Variants in TMEM131L observed in about 807,000 individuals in gnomAD.
TMEM131L encodes the protein transmembrane protein 131-like.
A neutral mutation model predicts 192.2 loss-of-function variants in TMEM131L; 54 were observed. The observed-to-expected ratio is 0.28, with a 90% CI of 0.23 to 0.35. The LOEUF is 0.35. TMEM131L is among the 10% of genes least tolerant of loss of function. The pLI is 1.00. For synonymous variants in TMEM131L, 701 were observed against 704.9 expected, an observed-to-expected ratio of 0.99 and a Z score of 0.09; for missense variants, 1,888 against 1,972.9, an observed-to-expected ratio of 0.96 and a Z score of 0.82.
At chr4:153,531,663 C>T (rs906156508) in intron 3 of TMEM131L, among the ~76,000 whole-genome samples, 1 of 152,036 alleles carries the variant, frequency 6.6e-6, no homozygotes, top group African/African-American at 2.4e-5. Flanking sequence ...GTATAAAGTG[C>T]TGTTAGTATA....
chr4:153,617,141 G>C (rs552710963), intron 26 of TMEM131L, among the ~76,000 whole-genome samples: 1 of 152,164 alleles, frequency 6.6e-6, no homozygotes, highest in African/African-American at 2.4e-5. Context: ...TGCTGTTCTC[G>C]TGATAGTAAG....
chr4:153,606,839 C>T (rs1242682332), intron 25 of TMEM131L, among the ~76,000 whole-genome samples: 1 of 152,136 alleles, frequency 6.6e-6, no homozygotes, highest in Non-Finnish European at 1.5e-5. Context: ...TTTTGCTTTC[C>T]ACCATGTTCA....
chr4:153,539,896 A>C (rs577251574), intron 3 of TMEM131L, among the ~76,000 whole-genome samples: 1 of 152,012 alleles, frequency 6.6e-6, no homozygotes, highest in South Asian at 2.1e-4. Flanking sequence ...GGATCCCCTG[A>C]GGTTGAGAGT....
intron 3 of TMEM131L, among the ~76,000 whole-genome samples, chr4:153,511,309 G>C (rs1179846288): frequency 2.0e-5 from 3 of 152,196 alleles, no homozygotes; most frequent in African/African-American, 7.2e-5. Flanking sequence ...CCATCAAAAA[G>C]AATGAGATCA....
At chr4:153,511,832 G>A (rs1580108055) in intron 3 of TMEM131L, among the ~76,000 whole-genome samples, 1 of 152,008 alleles carries the variant, frequency 6.6e-6, no homozygotes, top group African/African-American at 2.4e-5. Flanking sequence ...TAAGATACTC[G>A]TTTCCAATAA....
chr4:153,557,549 A>G (rs566952164), intron 6 of TMEM131L, among the ~76,000 whole-genome samples: 1 of 152,308 alleles, frequency 6.6e-6, no homozygotes, highest in South Asian at 2.1e-4. Flanking sequence ...ATATCAAGGT[A>G]CCAGGAAGGG....
At chr4:153,623,291 T>C (rs1294610907) in intron 29 of TMEM131L, among the ~76,000 whole-genome samples, 1 of 152,198 alleles carries the variant, frequency 6.6e-6, no homozygotes, top group Non-Finnish European at 1.5e-5. Flanking sequence ...CATCATTGTT[T>C]GTTAGTGTCT....
chr4:153,603,698 AC>A, intron 24 of TMEM131L, 103 bp from the exon 25 acceptor site: 1 of 1,286,206 alleles, frequency 7.8e-7, no homozygotes, highest in Non-Finnish European at 1.1e-6. Flanking sequence ...GGTAAAACTT[AC>A]ACTCAGTACT....
rs146783878 is a variant in TMEM131L at position 153,592,501 on chromosome 4, G to A, written c.1839G>A (p.Pro613=). ...RMIKYFVVQN[P]SSWPVSLQLL... ...TCAAGTACTTTGTGGTGCAGAACCC[G>A]TCCTCTTGGCCGGTCTCCTTGCAGC... The change falls in exon 18 of 35, where the codon CCG becomes CCA. Residue 613 remains proline, a synonymous_variant. Transcript: ENST00000409959. 104 of 1,614,004 alleles carry A rather than the reference G, an allele frequency of 6.4e-5. 1 individual carries two copies. The African/African-American group carries it at 1.0e-3, about 16-fold the overall frequency.
intron 3 of TMEM131L, among the ~76,000 whole-genome samples, chr4:153,540,732 T>A (rs6810447): frequency 3.3e-5 from 5 of 152,088 alleles, no homozygotes; most frequent in African/African-American, 7.2e-5. Flanking sequence ...CTAGTGCACC[T>A]TTAGGAAACT....
At chr4:153,553,803 T>C (rs1737810398) in intron 4 of TMEM131L, among the ~76,000 whole-genome samples, 1 of 152,248 alleles carries the variant, frequency 6.6e-6, no homozygotes, top group Non-Finnish European at 1.5e-5. Context: ...TAATCATTCA[T>C]AGAGATTTTA....
chr4:153,530,758 T>C (rs1310233862), intron 3 of TMEM131L, among the ~76,000 whole-genome samples: 1 of 152,136 alleles, frequency 6.6e-6, no homozygotes, highest in East Asian at 1.9e-4. Context: ...TCTTAGGTCT[T>C]AGGATCGCAG....
Position 153,603,960 on chromosome 4 carries a change from T to C in TMEM131L, c.2948T>C (p.Val983Ala). Residue 983 changes from valine to alanine, a missense_variant, in exon 25 of 35, where the codon GTG becomes GCG. Physicochemically the swap from Val to Ala is moderately conservative, Grantham distance 64. Coordinates refer to ENST00000409959, the MANE Select transcript of TMEM131L (RefSeq NM_001131007.2). ...TCTCAGAAGAAGCACAAATGCTCAG[T>C]GTATTACAGTAAACACAAAACCAGC... ...GHSQKKHKCSVYYSKHKTSTA... is the reference protein window; with the variant it reads ...GHSQKKHKCSAYYSKHKTSTA... 1.2e-6 allele frequency: 2 copies of C among 1,614,022 alleles called. No individual in the cohort carries two copies. The highest frequency in any genetic ancestry group is 1.7e-6 in the Non-Finnish European group (2 of 1,179,966).
chr4:153,538,707 G>T (rs1166515461), intron 3 of TMEM131L, among the ~76,000 whole-genome samples: 1 of 152,196 alleles, frequency 6.6e-6, no homozygotes, highest in East Asian at 1.9e-4. Context: ...TCTGGTGTTG[G>T]AAAAGAATGG....
chr4:153,624,104 G>GTT (rs11407959), intron 29 of TMEM131L, among the ~76,000 whole-genome samples: 167 of 140,220 alleles, frequency 1.2e-3, no homozygotes, highest in South Asian at 7.1e-3. Context: ...TTTTCACTCA[G>GTT]TTTTTTTTTT....
chr4:153,630,558 C>T (rs1734139616), intron 31 of TMEM131L, among the ~76,000 whole-genome samples: 1 of 152,232 alleles, frequency 6.6e-6, no homozygotes, highest in African/African-American at 2.4e-5. Context: ...TCTGTAACAA[C>T]CACGGCCAGT....
chr4:153,628,242 C>G (rs1233736147), intron 31 of TMEM131L, among the ~76,000 whole-genome samples: 1 of 152,226 alleles, frequency 6.6e-6, no homozygotes, highest in African/African-American at 2.4e-5. Context: ...AGGCAGTTGC[C>G]TAGGTGCATG....
chr4:153,503,315 A>T lies in TMEM131L; in HGVS notation c.239+29427A>T, dbSNP rs116990508. 9.8e-5 allele frequency among the ~76,000 whole-genome samples: 15 copies of T among 152,348 alleles called. No individual in the cohort carries two copies. In the East Asian group the frequency reaches 2.9e-3, roughly 29 times the overall value. ...TTCCTCCTTTCTCTGGGAGCATAAC[A>T]TCACTTGTAAAATTGTACAAAGATA... On this transcript the variant is annotated intron_variant, in intron 3 of 34. Coordinates refer to ENST00000409959, the MANE Select transcript of TMEM131L (RefSeq NM_001131007.2).
At position 153,555,747 on chromosome 4, in the gene TMEM131L, C is replaced by T; in HGVS notation, c.309-40C>T. 5.9e-6 allele frequency: 9 copies of T among 1,526,836 alleles called. No homozygotes were observed. The highest frequency in any genetic ancestry group is 8.0e-6 in the Non-Finnish European group (9 of 1,126,584). 94.6% of individuals were successfully genotyped at this position (1,526,836 alleles called of 1,614,324 possible). On this transcript the variant is annotated intron_variant, in intron 4 of 34. Transcript: ENST00000409959. This position sits in a 1 kb window ranked among gnomAD's most constrained non-coding sequence, Gnocchi z 4.1. ...ATATATGTATGGTAATATTTATAACCACACAATACATTGATTTTTCTCTTT... is the reference window on the plus strand; with the variant it reads ...ATATATGTATGGTAATATTTATAACTACACAATACATTGATTTTTCTCTTT...
Sources: gnomAD v4.1 joint callset for allele counts (sites outside exome capture counted in the v4.1 genomes callset) on GRCh38, gnomAD v4.1.1 for gene constraint, Gnocchi (gnomAD v3.1) non-coding constraint, MANE v1.5 for transcripts, NCBI Gene and HGNC (gene_info 2026-07-23, HGNC 2026-07-21) for gene names.